Variants in ZNF736 observed in about 807,000 individuals in gnomAD.
The protein encoded by ZNF736 is KRAB-containing zinc-finger repressor protein.
In ZNF736, 6 loss-of-function variants were observed where a neutral mutation model predicts 11.7. That is an observed-to-expected ratio of 0.51 (90% CI 0.28 to 1.01). The LOEUF is 1.01. Among genes scored for constraint, ZNF736 ranks in the 50% least tolerant of loss-of-function variants. The pLI is 0.09. For missense variants in ZNF736, 444 were observed against 496.0 expected (o/e 0.90, Z 1.00); for synonymous variants, 139 against 164.7 (o/e 0.84, Z 1.19).
At chr7:64,338,718 G>GT (rs34536557) in intron 3 of ZNF736, among the ~76,000 whole-genome samples, 49,175 of 147,640 alleles carry the variant, frequency 0.33, 8,528 homozygotes, top group African/African-American at 0.46. Flanking sequence ...TACATGCCAT[G>GT]TTTTTTTTTT....
chr7:64,340,288 A>G (rs1789319455), intron 3 of ZNF736, among the ~76,000 whole-genome samples: 3 of 152,216 alleles, frequency 2.0e-5, no homozygotes, highest in Non-Finnish European at 4.4e-5. Context: ...GTAAAGGCCA[A>G]GGTCTGCAGA....
chr7:64,337,075 C>A, intron 3 of ZNF736, 93 bp downstream of exon 3: 2 of 1,045,522 alleles, frequency 1.9e-6, no homozygotes, highest in Non-Finnish European at 2.8e-6. Context: ...AGAAGCTCTG[C>A]TCCAGTGGAA....
At chr7:64,330,816 G>A (rs1789154752) in intron 1 of ZNF736, among the ~76,000 whole-genome samples, 1 of 151,060 alleles carries the variant, frequency 6.6e-6, no homozygotes, top group South Asian at 2.1e-4. Flanking sequence ...GTTCTCTTCT[G>A]GCCCAGGGTA....
chr7:64,314,222 G>C (rs1381054312), intron 1 of ZNF736, 69 bp downstream of exon 1: 4 of 1,539,170 alleles, frequency 2.6e-6, no homozygotes, highest in African/African-American at 1.4e-5. Context: ...AACCGGCTGC[G>C]GTGGTATCTG....
At chr7:64,315,740 A>C (rs184416988) in intron 1 of ZNF736, among the ~76,000 whole-genome samples, 1 of 152,166 alleles carries the variant, frequency 6.6e-6, no homozygotes, top group African/African-American at 2.4e-5. Context: ...CTGTTCTCCC[A>C]GCCTAACTGT....
chr7:64,345,798 T>C (rs2115961692), intron 3 of ZNF736, among the ~76,000 whole-genome samples: 1 of 152,158 alleles, frequency 6.6e-6, no homozygotes, highest in South Asian at 2.1e-4. Flanking sequence ...TCAGCTTTTC[T>C]TCTGTTACTG....
chr7:64,337,765 T>TTG (rs1789279598), intron 3 of ZNF736, among the ~76,000 whole-genome samples: 3 of 136,210 alleles, frequency 2.2e-5, no homozygotes, highest in African/African-American at 5.4e-5. Flanking sequence ...GGTTTTTTTT[T>TTG]TTTTTTGAGA....
intron 1 of ZNF736, among the ~76,000 whole-genome samples, chr7:64,333,793 C>G (rs984846790): frequency 2.6e-5 from 4 of 152,104 alleles, no homozygotes; most frequent in African/African-American, 9.7e-5. Context: ...AGAAAAAATA[C>G]TTTAAATTTT....
intron 3 of ZNF736, among the ~76,000 whole-genome samples, chr7:64,338,255 G>A (rs1562673895): frequency 2.6e-5 from 4 of 152,024 alleles, no homozygotes; most frequent in Admixed American, 2.6e-4. Context: ...CCTATGTATT[G>A]TATACAGTGT....
chr7:64,331,885 A>G (rs931856716), intron 1 of ZNF736, among the ~76,000 whole-genome samples: 2 of 152,100 alleles, frequency 1.3e-5, no homozygotes, highest in African/African-American at 4.8e-5. Context: ...GAAAGGGGAA[A>G]CTCACATTTT....
rs2115980619 is a variant in ZNF736 at position 64,350,763 on chromosome 7, G to GTTTTTTTTT, written c.*1616_*1617insTTTTTTTTT. ...CAGCCAACAGGCTTTGTTCCTGGGA[G>GTTTTTTTTT]GTTTTTTTTGTTTTGTTTTGTTTTG... On this transcript the variant is annotated 3_prime_UTR_variant, in exon 4 of 4. Coordinates refer to ENST00000423484, the MANE Select transcript of ZNF736 (RefSeq NM_001170905.3). 2 of 143,172 alleles carry GTTTTTTTTT rather than the reference G, an allele frequency of 1.4e-5. No homozygotes were observed. The highest frequency in any genetic ancestry group is 3.0e-5 in the Non-Finnish European group (2 of 66,824). 8.9% of individuals were successfully genotyped at this position (143,172 alleles called of 1,614,324 possible). A position where few individuals can be genotyped will look rare whatever the true frequency, so the allele number is the denominator to read the frequency against.
intron 3 of ZNF736, among the ~76,000 whole-genome samples, chr7:64,344,049 T>C (rs1243286848): frequency 6.6e-6 from 1 of 152,190 alleles, no homozygotes; most frequent in Non-Finnish European, 1.5e-5. Flanking sequence ...ACACCTGTAA[T>C]CCCTGCACTT....
At chr7:64,330,164 GT>G (rs1305667233) in intron 1 of ZNF736, among the ~76,000 whole-genome samples, 1 of 149,202 alleles carries the variant, frequency 6.7e-6, no homozygotes, top group Non-Finnish European at 1.5e-5. Flanking sequence ...GGTTTTTTTT[GT>G]TTTGTTTTTG....
At chr7:64,333,179 A>G (rs572580301) in intron 1 of ZNF736, among the ~76,000 whole-genome samples, 100 of 152,274 alleles carry the variant, frequency 6.6e-4, no homozygotes, top group African/African-American at 2.4e-3. Flanking sequence ...TGCTCCCTCC[A>G]TTCAGGGTCC....
chr7:64,355,170 A>T lies in ZNF736; in HGVS notation c.*6023A>T, dbSNP rs1789537190. 1.2e-5 allele frequency: 2 copies of T among 161,858 alleles called. No homozygotes were observed. The highest frequency in any genetic ancestry group is 6.5e-5 in the Admixed American group (1 of 15,386). The allele number at this position is 161,858 out of a possible 1,614,324, so 10.0% of individuals were successfully genotyped here. ...TTTTCAGATTATGTTTCTACATTTA[A>T]ACATCTACTGGGGGAGGCAGAGGCC... On this transcript the variant is annotated 3_prime_UTR_variant, in exon 4 of 4. Transcript: ENST00000423484.
At chr7:64,319,331 G>A (rs868032889) in intron 1 of ZNF736, among the ~76,000 whole-genome samples, 1 of 75,528 alleles carries the variant, frequency 1.3e-5, no homozygotes, top group African/African-American at 4.8e-5. Flanking sequence ...GTGTGTGTAT[G>A]TGTATATATA....
intron 3 of ZNF736, among the ~76,000 whole-genome samples, chr7:64,345,550 G>A (rs1789398153): frequency 6.6e-6 from 1 of 151,484 alleles, no homozygotes; most frequent in East Asian, 2.0e-4. Context: ...CCAACATGGT[G>A]AAACCTTGTC....
At position 64,354,241 on chromosome 7, in the gene ZNF736, T is replaced by C. The variant is rs529845372; in HGVS notation, c.*5094T>C. ...TTTTCTGTTGAACATATGACTTCTC[T>C]GGTCTGCTAAACACATACAGACCTT... is the stretch of plus-strand genomic sequence containing the variant. On this transcript the variant is annotated 3_prime_UTR_variant, in exon 4 of 4. Coordinates refer to ENST00000423484, the MANE Select transcript of ZNF736 (RefSeq NM_001170905.3). 1.3e-5 allele frequency: 2 copies of C among 152,212 alleles called. No individual in the cohort carries two copies. The allele number at this position is 152,212 out of a possible 1,614,324, so 9.4% of individuals were successfully genotyped here. A position where few individuals can be genotyped will look rare whatever the true frequency, so the allele number is the denominator to read the frequency against.
At chr7:64,318,067 A>T (rs1470615086) in intron 1 of ZNF736, among the ~76,000 whole-genome samples, 2 of 151,994 alleles carry the variant, frequency 1.3e-5, no homozygotes, top group African/African-American at 4.8e-5. Context: ...CCTGAGAAGT[A>T]AGCAATTTTA....
Sources: gnomAD v4.1 joint callset for allele counts (sites outside exome capture counted in the v4.1 genomes callset) on GRCh38, gnomAD v4.1.1 for gene constraint, MANE v1.5 for transcripts, NCBI Gene and HGNC (gene_info 2026-07-23, HGNC 2026-07-21) for gene names.